Variants in CSGALNACT1 observed in about 807,000 individuals in gnomAD.
CSGALNACT1 encodes the protein chondroitin sulfate N-acetylgalactosaminyltransferase 1.
A neutral mutation model predicts 51.0 loss-of-function variants in CSGALNACT1; 52 were observed. The ratio of observed to expected loss-of-function variants is 1.02; its 90% CI spans 0.82 to 1.29. The LOEUF is 1.29. Ranked by LOEUF, CSGALNACT1 falls within the 50% of genes most tolerant of loss-of-function variation. The pLI, the probability that CSGALNACT1 is intolerant of heterozygous loss-of-function variation, is 0.00. For missense variants in CSGALNACT1, 935 were observed against 679.2 expected (o/e 1.38, Z -4.19); for synonymous variants, 341 against 254.4 (o/e 1.34, Z -3.24).
intron 6 of CSGALNACT1, among the ~76,000 whole-genome samples, chr8:19,437,620 A>G (rs143115406): frequency 5.7e-4 from 87 of 152,292 alleles, no homozygotes; most frequent in Non-Finnish European, 9.7e-4. Flanking sequence ...AAAATTATTT[A>G]TTTTATTCCC....
chr8:19,641,128 C>CTTT (rs56681695), intron 1 of CSGALNACT1, among the ~76,000 whole-genome samples: 9 of 99,990 alleles, frequency 9.0e-5, no homozygotes, highest in African/African-American at 1.5e-4. Flanking sequence ...GGTGACTGGT[C>CTTT]TTTTTTTTTT....
exon 10 of CSGALNACT1, chr8:19,405,245 C>T (rs766899452): frequency 9.5e-5 from 43 of 453,126 alleles, no homozygotes; most frequent in South Asian, 1.7e-4. Flanking sequence ...AAATATGACA[C>T]GATATTTATG....
chr8:19,457,188 CA>C (rs1461600687), intron 5 of CSGALNACT1, among the ~76,000 whole-genome samples: 3 of 152,156 alleles, frequency 2.0e-5, no homozygotes, highest in Non-Finnish European at 4.4e-5. Context: ...TTCTAATCTT[CA>C]AAAAACTTAG....
chr8:19,417,332 A>G (rs1300648326), intron 8 of CSGALNACT1, among the ~76,000 whole-genome samples: 4 of 152,346 alleles, frequency 2.6e-5, no homozygotes, highest in Non-Finnish European at 5.9e-5. Context: ...ATGCTAGGAT[A>G]TAAGACATGA....
At chr8:19,688,558 T>C (rs1283999573) in intron 1 of CSGALNACT1, among the ~76,000 whole-genome samples, 2 of 152,220 alleles carry the variant, frequency 1.3e-5, no homozygotes, top group South Asian at 2.1e-4. Context: ...CCAGAAATTA[T>C]GTCACATACA....
intron 3 of CSGALNACT1, among the ~76,000 whole-genome samples, chr8:19,553,368 A>G (rs1393880826): frequency 6.6e-6 from 1 of 151,966 alleles, no homozygotes. Flanking sequence ...TTCTTCCAAT[A>G]TGAGTGAACC....
intron 3 of CSGALNACT1, among the ~76,000 whole-genome samples, chr8:19,564,517 G>T (rs570373300): frequency 5.4e-4 from 82 of 152,002 alleles, no homozygotes; most frequent in African/African-American, 1.6e-3. Flanking sequence ...CCCACCACAG[G>T]TTCCTCAGCC....
At chr8:19,454,189 AT>A (rs1456264977) in intron 5 of CSGALNACT1, among the ~76,000 whole-genome samples, 1 of 152,232 alleles carries the variant, frequency 6.6e-6, no homozygotes, top group Admixed American at 6.5e-5. Context: ...TATATACTCC[AT>A]TCTCAAACAC....
At chr8:19,716,264 A>G (rs2062802524) in intron 1 of CSGALNACT1, among the ~76,000 whole-genome samples, 1 of 151,960 alleles carries the variant, frequency 6.6e-6, no homozygotes. Flanking sequence ...TGCTCTGAGC[A>G]CCGCCTTTGT....
At chr8:19,698,605 T>C (rs2061699306) in intron 1 of CSGALNACT1, among the ~76,000 whole-genome samples, 1 of 152,170 alleles carries the variant, frequency 6.6e-6, no homozygotes, top group Non-Finnish European at 1.5e-5. Context: ...TGATACTGCT[T>C]TAAAACTTAC....
At chr8:19,493,521 C>A (rs2074827504) in intron 4 of CSGALNACT1, among the ~76,000 whole-genome samples, 1 of 152,208 alleles carries the variant, frequency 6.6e-6, no homozygotes, top group African/African-American at 2.4e-5. Context: ...GAACCCTAGG[C>A]AAACACTCGT....
chr8:19,576,029 A>T (rs1026834762), intron 3 of CSGALNACT1, among the ~76,000 whole-genome samples: 7 of 152,116 alleles, frequency 4.6e-5, no homozygotes, highest in African/African-American at 1.7e-4. Flanking sequence ...TGGCTCAGAC[A>T]GGAAGAGGTA....
chr8:19,475,345 C>T (rs1251034379), intron 4 of CSGALNACT1, among the ~76,000 whole-genome samples: 1 of 152,156 alleles, frequency 6.6e-6, no homozygotes, highest in Non-Finnish European at 1.5e-5. Flanking sequence ...TTTGCCACCA[C>T]GAGGGTTTTG....
chr8:19,589,431 T>C (rs1482123160), intron 3 of CSGALNACT1, among the ~76,000 whole-genome samples: 3 of 152,202 alleles, frequency 2.0e-5, no homozygotes, highest in Non-Finnish European at 4.4e-5. Flanking sequence ...GTTCAAACAA[T>C]TATCCTGCCT....
chr8:19,489,672 G>A (rs921884530), intron 4 of CSGALNACT1, among the ~76,000 whole-genome samples: 15 of 152,202 alleles, frequency 9.9e-5, no homozygotes, highest in Non-Finnish European at 2.9e-5. Flanking sequence ...CAAATGGTAT[G>A]AAAATGGAGC....
chr8:19,590,004 C>G (rs1237194282), intron 3 of CSGALNACT1, among the ~76,000 whole-genome samples: 1 of 152,152 alleles, frequency 6.6e-6, no homozygotes, highest in African/African-American at 2.4e-5. Context: ...AAGTTAAAAT[C>G]AGACCTCTCT....
intron 4 of CSGALNACT1, among the ~76,000 whole-genome samples, chr8:19,499,665 T>C (rs947220484): frequency 6.6e-6 from 1 of 152,230 alleles, no homozygotes; most frequent in Non-Finnish European, 1.5e-5. Flanking sequence ...TTATCAGGAA[T>C]GTACTGTGAG....
chr8:19,736,007 T>G (rs955780750), intron 1 of CSGALNACT1, among the ~76,000 whole-genome samples: 1 of 152,210 alleles, frequency 6.6e-6, no homozygotes, highest in African/African-American at 2.4e-5. Context: ...ACATTCAATC[T>G]GCATGTAAAA....
chr8:19,506,900 G>A (rs893773110), intron 3 of CSGALNACT1, among the ~76,000 whole-genome samples: 2 of 152,106 alleles, frequency 1.3e-5, no homozygotes, highest in East Asian at 1.9e-4. Context: ...TTTAAGTTAC[G>A]CAGCTTCAGG....
Sources: gnomAD v4.1 joint callset for allele counts (sites outside exome capture counted in the v4.1 genomes callset) on GRCh38, gnomAD v4.1.1 for gene constraint, MANE v1.5 for transcripts, NCBI Gene and HGNC (gene_info 2026-07-23, HGNC 2026-07-21) for gene names.